MID1: variants seen among roughly 807,000 people sequenced by gnomAD.
The protein encoded by MID1 is midline 1.
MID1 carries 7 observed loss-of-function variants against 40.4 expected under a neutral mutation model. That is an observed-to-expected ratio of 0.17 (90% confidence interval 0.10 to 0.33). The LOEUF is 0.33. Among genes scored for constraint, MID1 ranks in the 10% least tolerant of loss-of-function variants. The pLI, the probability that MID1 is intolerant of heterozygous loss-of-function variation, is 1.00. For synonymous variants in MID1, 229 were observed against 221.2 expected (o/e 1.04, Z -0.31); for missense variants, 367 against 558.5 (o/e 0.66, Z 3.46).
intron 1 of MID1, among the ~76,000 whole-genome samples, chrX:10,784,405 C>G (rs1007145220): frequency 1.8e-5 from 2 of 109,209 alleles, no homozygotes; most frequent in Non-Finnish European, 3.8e-5. Context: ...AACTCACCAA[C>G]TAACATCAAT....
At chrX:10,624,043 A>G (rs772227107), upstream of MID1, among the ~76,000 whole-genome samples, 1 of 112,456 alleles carries the variant, frequency 8.9e-6, no homozygotes, top group Admixed American at 9.4e-5. Context: ...AAAAGAGAAA[A>G]AAGTTTCTAC....
At chrX:10,506,807 T>C (rs1931865899) in intron 3 of MID1, among the ~76,000 whole-genome samples, 1 of 111,969 alleles carries the variant, frequency 8.9e-6, no homozygotes, top group African/African-American at 3.2e-5. Context: ...AAACAGAATT[T>C]GCATCGGACA....
At chrX:10,452,504 C>T (rs183461758) in intron 9 of MID1, among the ~76,000 whole-genome samples, 4 of 111,990 alleles carry the variant, frequency 3.6e-5, no homozygotes, top group East Asian at 5.5e-4. Context: ...TTATGTCTCT[C>T]GGAGCAATGT....
At chrX:10,504,226 T>TGCATAATGA (rs200425778) in intron 3 of MID1, among the ~76,000 whole-genome samples, 1,546 of 111,248 alleles carry the variant, frequency 0.014, 20 homozygotes, top group South Asian at 0.026. Context: ...GTTCCCTACC[T>TGCATAATGA]GCATAATGAG....
chrX:10,530,205 T>A (rs1932924576), intron 2 of MID1, among the ~76,000 whole-genome samples: 1 of 112,101 alleles, frequency 8.9e-6, no homozygotes, highest in Non-Finnish European at 1.9e-5. Flanking sequence ...CACTAACACA[T>A]CAACTTCAAG....
rs773656234 is a variant in MID1, at chrX:10,452,656, A to AC, written c.1655+2213dup. On this transcript the variant is annotated intron_variant, in intron 9 of 9. Transcript: ENST00000317552. Reference sequence around the variant, plus strand: ...TAGGGGGTGCCCCTTCCTTGCTAATACCCCCCAAGGAAATGTAAAGTGACT... The same window carrying AC: ...TAGGGGGTGCCCCTTCCTTGCTAATACCCCCCCAAGGAAATGTAAAGTGACT... 1.3e-4 allele frequency among the ~76,000 whole-genome samples: 14 copies of AC among 111,787 alleles called. No individual in the cohort carries two copies. In the South Asian group the frequency reaches 1.9e-3, roughly 15 times the overall value.
chrX:10,565,935 G>A (rs970908652), intron 2 of MID1, among the ~76,000 whole-genome samples: 6 of 108,449 alleles, frequency 5.5e-5, no homozygotes, highest in Non-Finnish European at 9.5e-5. Context: ...TCAGCCTCCC[G>A]AGTAGCTGGG....
chrX:10,798,888 A>C (rs2043985619), intron 1 of MID1, among the ~76,000 whole-genome samples: 1 of 111,907 alleles, frequency 8.9e-6, no homozygotes, highest in Non-Finnish European at 1.9e-5. Flanking sequence ...CCTGGGGCCA[A>C]ATAGAAGACA....
intron 1 of MID1, among the ~76,000 whole-genome samples, chrX:10,770,342 T>G (rs763557508): frequency 8.9e-6 from 1 of 112,307 alleles, no homozygotes; most frequent in Non-Finnish European, 1.9e-5. Flanking sequence ...CACAATGGCT[T>G]CACTCACTGG....
chrX:10,515,776 T>C (rs761247477), intron 3 of MID1, among the ~76,000 whole-genome samples: 2 of 112,153 alleles, frequency 1.8e-5, no homozygotes, highest in South Asian at 7.5e-4. Flanking sequence ...GCACCTATCA[T>C]TTCCAAAACG....
At chrX:10,642,686 A>C (rs1936214249) in intron 1 of MID1, among the ~76,000 whole-genome samples, 1 of 110,676 alleles carries the variant, frequency 9.0e-6, no homozygotes, top group Non-Finnish European at 1.9e-5. Flanking sequence ...ATGGAACCAA[A>C]AATGAGCCCA....
chrX:10,817,765 G>A (rs1328131356), intron 1 of MID1, among the ~76,000 whole-genome samples: 9 of 108,407 alleles, frequency 8.3e-5, no homozygotes, highest in African/African-American at 3.0e-4. Flanking sequence ...GAATACAGGC[G>A]TGCGCCACCA....
At chrX:10,765,619 T>C (rs1044124128) in intron 1 of MID1, among the ~76,000 whole-genome samples, 1 of 111,801 alleles carries the variant, frequency 8.9e-6, no homozygotes, top group Non-Finnish European at 1.9e-5. Context: ...GTGGGCTTTT[T>C]AAAAATTCTA....
intron 1 of MID1, among the ~76,000 whole-genome samples, chrX:10,800,349 C>T (rs1026325485): frequency 1.8e-5 from 2 of 111,494 alleles, no homozygotes; most frequent in Non-Finnish European, 3.8e-5. Context: ...TGAGTAAGCT[C>T]GTAAGCACGT....
At chrX:10,624,578 A>G (rs1935976318), upstream of MID1, among the ~76,000 whole-genome samples, 1 of 111,780 alleles carries the variant, frequency 8.9e-6, no homozygotes, top group African/African-American at 3.3e-5. Flanking sequence ...ATGAATTTTT[A>G]AGATTTTTAT....
At chrX:10,450,021 A>G (rs1020394645) in intron 9 of MID1, among the ~76,000 whole-genome samples, 1 of 110,997 alleles carries the variant, frequency 9.0e-6, no homozygotes, top group Non-Finnish European at 1.9e-5. Flanking sequence ...TCACTCTTAT[A>G]AAAATCTACA....
chrX:10,829,078 A>G (rs190319995), intron 1 of MID1, among the ~76,000 whole-genome samples: 1 of 112,349 alleles, frequency 8.9e-6, no homozygotes, highest in Non-Finnish European at 1.9e-5. Flanking sequence ...TATCAGTTCG[A>G]GTAAACTTGT....
intron 7 of MID1, among the ~76,000 whole-genome samples, chrX:10,468,095 G>C (rs1462033174): frequency 1.8e-5 from 2 of 112,063 alleles, no homozygotes; most frequent in Non-Finnish European, 1.9e-5. Flanking sequence ...GACTCAGGCA[G>C]CTTGCCAGAG....
intron 7 of MID1, among the ~76,000 whole-genome samples, chrX:10,465,214 T>TATACATACATACACAC (rs1477864693): frequency 2.5e-5 from 1 of 39,900 alleles, no homozygotes; most frequent in African/African-American, 1.4e-4. Context: ...TATATATATA[T>TATACATACATACACAC]ACACACACAC....
Sources: gnomAD v4.1 joint callset for allele counts (sites outside exome capture counted in the v4.1 genomes callset) on GRCh38, gnomAD v4.1.1 for gene constraint, MANE v1.5 for transcripts, NCBI Gene and HGNC (gene_info 2026-07-23, HGNC 2026-07-21) for gene names.